POLR3A: variants seen among roughly 807,000 people sequenced by gnomAD.
POLR3A encodes the protein RNA polymerase III subunit A.
In POLR3A, 112 loss-of-function variants were observed where a neutral mutation model predicts 152.8. The observed-to-expected ratio is 0.73, with a 90% CI of 0.63 to 0.86. The LOEUF is 0.86. Ranked by LOEUF, POLR3A falls within the 40% of genes least tolerant of loss-of-function variation. The probability of loss-of-function intolerance (pLI) is 0.00; values close to 1 mark genes in which losing one functional copy is unlikely to be tolerated. For synonymous variants in POLR3A, 615 were observed against 652.1 expected (o/e 0.94, Z 0.87); for missense variants, 1,385 against 1,743.1 (o/e 0.79, Z 3.66).
chr10:77,983,701 T>C (rs148098272), intron 26 of POLR3A, among the ~76,000 whole-genome samples: 4 of 152,286 alleles, frequency 2.6e-5, no homozygotes, highest in African/African-American at 9.6e-5. Context: ...CTGCACAAAA[T>C]TTCAACTAAT....
chr10:77,982,369 G>A, intron 27 of POLR3A, 51 bp from the exon 28 acceptor site: 2 of 1,557,102 alleles, frequency 1.3e-6, no homozygotes, highest in Non-Finnish European at 1.8e-6. Context: ...CCATGCCCTG[G>A]GCTGATCACC....
In POLR3A at chr10:78,019,180, C is replaced by G; in HGVS notation, c.1271G>C (p.Arg424Thr). ...VHPGANFIQQ[R>T]HTQMKRFLKY... ...AGATTACCTTTTCATCTGCGTATGT[C>G]TCTGCTGAATGAAGTTTGCTCCTGG... Residue 424 changes from arginine (R) to threonine (T), a missense_variant, in exon 9 of 31, where the codon AGA becomes ACA. Coordinates refer to ENST00000372371, the MANE Select transcript of POLR3A (RefSeq NM_007055.4). 1 of 1,612,760 alleles carries G rather than the reference C, an allele frequency of 6.2e-7. No homozygotes were observed.
intron 17 of POLR3A, 141 bp from the exon 18 acceptor site, chr10:78,001,235 C>A: frequency 1.6e-6 from 1 of 606,362 alleles, no homozygotes; most frequent in Non-Finnish European, 3.1e-6. Flanking sequence ...GACAGAAATA[C>A]AATCAAGACA....
chr10:77,992,672 A>T (rs751096657), intron 20 of POLR3A, among the ~76,000 whole-genome samples: 1 of 151,590 alleles, frequency 6.6e-6, no homozygotes, highest in Non-Finnish European at 1.5e-5. Flanking sequence ...CGATCTCTTG[A>T]TCTTGTGATC....
At chr10:78,009,222 G>A (rs919588878) in intron 14 of POLR3A, among the ~76,000 whole-genome samples, 1 of 132,512 alleles carries the variant, frequency 7.5e-6, no homozygotes, top group African/African-American at 2.8e-5. Context: ...TGCCCCCCCC[G>A]CCGCCAAAAA....
At chr10:78,016,462 C>T (rs924290867) in intron 10 of POLR3A, among the ~76,000 whole-genome samples, 1 of 151,250 alleles carries the variant, frequency 6.6e-6, no homozygotes, top group Non-Finnish European at 1.5e-5. Context: ...GTCTGTAATC[C>T]CAGCACTTTG....
chr10:78,004,156 C>T (rs1414222033), intron 16 of POLR3A, among the ~76,000 whole-genome samples: 1 of 152,080 alleles, frequency 6.6e-6, no homozygotes, highest in Non-Finnish European at 1.5e-5. Flanking sequence ...ATTGCTTGAA[C>T]CAGGGAGTCA....
In POLR3A at chr10:78,012,216, T is replaced by A. The variant is rs574979908; in HGVS notation, c.1572+1434A>T. Among the ~76,000 whole-genome samples the A allele has an allele frequency of 7.5e-4, 114 of 151,976 alleles. No individual in the cohort carries two copies. In the Middle Eastern group the frequency reaches 0.017, roughly 23 times the overall value. On this transcript the variant is annotated intron_variant, in intron 11 of 30. Coordinates refer to ENST00000372371, the MANE Select transcript of POLR3A (RefSeq NM_007055.4). Reference sequence around the variant, plus strand: ...CCTGTCTCTACTAAGAGTACAAAATTAGCTGGGCATGGTGGCAGACGCCTG... The same window carrying A: ...CCTGTCTCTACTAAGAGTACAAAATAAGCTGGGCATGGTGGCAGACGCCTG...
chr10:78,024,969 A>G lies in POLR3A; in HGVS notation c.490+2T>C. 1 of 1,614,028 alleles carries G rather than the reference A, an allele frequency of 6.2e-7. No homozygotes were observed. The highest frequency in any genetic ancestry group is 1.1e-5 in the South Asian group (1 of 91,080). ...GCTTAGCCTTCTGTGCATTCCACTC[A>G]CCATTAAAAGCGCCACAGTGATGGC... is the stretch of plus-strand genomic sequence containing the variant. On this transcript the variant is annotated splice_donor_variant, in intron 4 of 30. Coordinates refer to ENST00000372371, the MANE Select transcript of POLR3A (RefSeq NM_007055.4). LOFTEE classifies it high-confidence loss of function.
In POLR3A at chr10:78,022,222, A is replaced by G. The variant is rs1489745865; in HGVS notation, c.808T>C (p.Leu270=). 17 of 1,614,096 alleles carry G rather than the reference A, an allele frequency of 1.1e-5. No homozygotes were observed. The highest frequency in any genetic ancestry group is 1.4e-5 in the Non-Finnish European group (17 of 1,180,030). Residue 270 remains leucine, a synonymous_variant, in exon 6 of 31, where the codon TTG becomes CTG. Coordinates refer to ENST00000372371, the MANE Select transcript of POLR3A (RefSeq NM_007055.4). ...LCIRPSVVSD[L]KSGTNEDDLT... ...TCATCTTCATTGGTGCCAGACTTCA[A>G]ATCACTCACAACGGAGGGTCTGATA...
At chr10:78,024,471 G>T in intron 5 of POLR3A, 78 bp downstream of exon 5, 1 of 1,487,470 alleles carries the variant, frequency 6.7e-7, no homozygotes, top group East Asian at 2.4e-5. Context: ...GCGGAGTTGG[G>T]GGAGAGAGTG....
At chr10:77,994,498 T>TAA (rs35711002) in intron 19 of POLR3A, among the ~76,000 whole-genome samples, 5 of 121,100 alleles carry the variant, frequency 4.1e-5, no homozygotes, top group Non-Finnish European at 7.1e-5. Context: ...AAACATTACT[T>TAA]AAAAAAAAAA....
intron 19 of POLR3A, among the ~76,000 whole-genome samples, chr10:77,996,845 C>A (rs1465185091): frequency 6.6e-6 from 1 of 152,154 alleles, no homozygotes; most frequent in African/African-American, 2.4e-5. Flanking sequence ...CAAAGCCTGG[C>A]AGAGACACAA....
chr10:77,993,513 C>A lies in POLR3A; in HGVS notation c.2617-146G>T. ...TATTAGAAACCCTTTAAAAAGAGTC[C>A]TCTCACCCCAAGAACAAGAGCAAGA... On this transcript the variant is annotated intron_variant, in intron 19 of 30. Coordinates refer to ENST00000372371, the MANE Select transcript of POLR3A (RefSeq NM_007055.4). 4 of 692,132 alleles carry A rather than the reference C, an allele frequency of 5.8e-6. No individual in the cohort carries two copies. In the South Asian group the frequency reaches 6.4e-5, roughly 11 times the overall value. 42.9% of individuals were successfully genotyped at this position (692,132 alleles called of 1,614,324 possible).
intron 5 of POLR3A, among the ~76,000 whole-genome samples, chr10:78,022,895 T>C (rs1362744332): frequency 1.3e-5 from 2 of 152,204 alleles, no homozygotes; most frequent in Admixed American, 6.5e-5. Context: ...TAGTGGCTCA[T>C]GCCTGTAATC....
intron 28 of POLR3A, 52 bp from the exon 29 acceptor site, chr10:77,981,611 A>C (rs1367582793): frequency 6.2e-7 from 1 of 1,602,430 alleles, no homozygotes; most frequent in Non-Finnish European, 8.5e-7. Flanking sequence ...AGGCCACTGC[A>C]AATTCTCTCC....
chr10:78,026,636 C>G (rs1847637240), intron 1 of POLR3A, among the ~76,000 whole-genome samples: 1 of 152,226 alleles, frequency 6.6e-6, no homozygotes, highest in Admixed American at 6.5e-5. Flanking sequence ...CTTTTGAGGT[C>G]TTTTCTTCTA....
chr10:77,980,949 GT>G (rs34957648), intron 29 of POLR3A, among the ~76,000 whole-genome samples: 2 of 151,268 alleles, frequency 1.3e-5, no homozygotes, highest in East Asian at 1.9e-4. Context: ...AGGGAAATAC[GT>G]TTTTTTTGGA....
chr10:78,006,066 G>C (rs902247906), intron 15 of POLR3A, among the ~76,000 whole-genome samples: 1 of 152,182 alleles, frequency 6.6e-6, no homozygotes, highest in Non-Finnish European at 1.5e-5. Flanking sequence ...AGAGTGATCA[G>C]AGAAGATACA....
Sources: gnomAD v4.1 joint callset for allele counts (sites outside exome capture counted in the v4.1 genomes callset) on GRCh38, gnomAD v4.1.1 for gene constraint, MANE v1.5 for transcripts, NCBI Gene and HGNC (gene_info 2026-07-23, HGNC 2026-07-21) for gene names.